The following TCF12 variants were observed in gnomAD, a reference collection of about 807,000 sequenced individuals.
TCF12 encodes the protein DNA-binding protein HTF4.
In TCF12, 45 loss-of-function variants were observed where a neutral mutation model predicts 86.0. The ratio of observed to expected loss-of-function variants is 0.52; its 90% CI spans 0.41 to 0.67. The LOEUF (loss-of-function observed/expected upper bound fraction) is 0.67. Among genes scored for constraint, TCF12 ranks in the 30% least tolerant of loss-of-function variants. The pLI is 0.00. For missense variants in TCF12, 881 were observed against 859.9 expected, an observed-to-expected ratio of 1.02 and a Z score of -0.31; for synonymous variants, 330 against 299.6, an observed-to-expected ratio of 1.10 and a Z score of -1.05.
At chr15:57,188,352 G>T (rs1183300322) in intron 6 of TCF12, among the ~76,000 whole-genome samples, 5 of 152,040 alleles carry the variant, frequency 3.3e-5, no homozygotes, top group Admixed American at 2.6e-4. Flanking sequence ...AACACATCTG[G>T]TATTCAGTCC....
Position 56,921,058 on chromosome 15 carries a change from T to C in TCF12, c.108T>C (p.Thr36=). The part of the protein sequence containing the change: ...MFSPPVNSGK[T]RPTTLGSSQF... ...CCCCACCTGTTAATAGTGGGAAAAC[T>C]AGACCAACTACACTGGGAAGCAGTC... Residue 36 remains threonine, a synonymous_variant, in exon 3 of 21, where the codon ACT becomes ACC. Transcript: ENST00000333725. 1 of 1,609,042 alleles carries C rather than the reference T, an allele frequency of 6.2e-7. No homozygotes were observed. The highest frequency in any genetic ancestry group is 8.5e-7 in the Non-Finnish European group (1 of 1,177,256).
Position 57,190,438 on chromosome 15 carries a change from T to A in TCF12, c.391-1720T>A, listed in dbSNP as rs533035844. Reference sequence around the variant, plus strand: ...CTTGGTGGCTGAAACAACTACTTTTTAAGAGTATGGTGATGGCAGTAAGGG... The same window carrying A: ...CTTGGTGGCTGAAACAACTACTTTTAAAGAGTATGGTGATGGCAGTAAGGG... On this transcript the variant is annotated intron_variant, in intron 6 of 20. Transcript: ENST00000333725. Among the ~76,000 whole-genome samples, 14 of 152,268 alleles carry A rather than the reference T, an allele frequency of 9.2e-5. No homozygotes were observed. In the East Asian group the frequency reaches 2.7e-3, roughly 29 times the overall value.
At chr15:57,239,774 A>G (rs1014255544) in intron 12 of TCF12, among the ~76,000 whole-genome samples, 3 of 152,140 alleles carry the variant, frequency 2.0e-5, no homozygotes, top group South Asian at 4.1e-4. Flanking sequence ...GGTAACCATA[A>G]GCATGGTGCT....
chr15:56,932,608 G>A (rs1355427799), intron 3 of TCF12, among the ~76,000 whole-genome samples: 2 of 151,728 alleles, frequency 1.3e-5, no homozygotes, highest in South Asian at 2.1e-4. Flanking sequence ...TGGCTCTGTC[G>A]CCCAGGCTGG....
At chr15:57,159,422 C>G (rs2151500512) in intron 5 of TCF12, among the ~76,000 whole-genome samples, 1 of 152,238 alleles carries the variant, frequency 6.6e-6, no homozygotes, top group Middle Eastern at 3.4e-3. Context: ...GGAGCAGGTT[C>G]TCCACGAGCA....
At chr15:57,235,778 G>T (rs1597511566) in intron 12 of TCF12, among the ~76,000 whole-genome samples, 1 of 151,960 alleles carries the variant, frequency 6.6e-6, no homozygotes, top group African/African-American at 2.4e-5. Context: ...TGCATTTTGG[G>T]GGCTTTTTTT....
At chr15:57,247,570 G>A (rs1459547784) in intron 13 of TCF12, 4 of 885,364 alleles carry the variant, frequency 4.5e-6, no homozygotes, top group Non-Finnish European at 7.5e-6. Context: ...CACTCTGCCT[G>A]TCTTCCATAA....
rs947409359 is a variant in TCF12 at position 57,062,530 on chromosome 15, A to G, written c.149-1220A>G. Among the ~76,000 whole-genome samples, 3 of 152,260 alleles carry G rather than the reference A, an allele frequency of 2.0e-5. No homozygotes were observed. The East Asian group carries it at 5.8e-4, about 29-fold the overall frequency. The stretch of plus-strand genomic sequence containing the variant: ...AAAAATAATAGAGTCCTAATAACTA[A>G]GTTAGTAATTAGTACATTCTACTTT... On this transcript the variant is annotated intron_variant, in intron 3 of 20. Transcript: ENST00000333725.
chr15:57,112,906 A>G (rs1238523844), intron 5 of TCF12, among the ~76,000 whole-genome samples: 2 of 152,222 alleles, frequency 1.3e-5, no homozygotes, highest in African/African-American at 4.8e-5. Context: ...TGAGTAGGAA[A>G]AAAAATAAAA....
intron 5 of TCF12, among the ~76,000 whole-genome samples, chr15:57,159,712 C>G (rs199521202): frequency 3.6e-4 from 2 of 5,494 alleles, no homozygotes; most frequent in Non-Finnish European, 7.6e-3. Flanking sequence ...AAAAACCAGT[C>G]TAATACTTAA....
intron 3 of TCF12, among the ~76,000 whole-genome samples, chr15:56,970,899 A>C (rs1187174017): frequency 2.6e-5 from 4 of 151,698 alleles, no homozygotes; most frequent in African/African-American, 9.7e-5. Flanking sequence ...AAAATAAAAA[A>C]AAAAATTAGC....
At chr15:57,247,434 C>A in intron 13 of TCF12, 1 of 700,470 alleles carries the variant, frequency 1.4e-6, no homozygotes, top group Non-Finnish European at 2.6e-6. Flanking sequence ...GACTACATCT[C>A]TTGTTTAGAA....
chr15:57,279,649 A>C (rs1302663424), intron 19 of TCF12, among the ~76,000 whole-genome samples: 1 of 152,132 alleles, frequency 6.6e-6, no homozygotes, highest in East Asian at 1.9e-4. Context: ...TGCCTAATTT[A>C]CTGAGTTTTT....
intron 3 of TCF12, among the ~76,000 whole-genome samples, chr15:57,024,563 C>A (rs1449315744): frequency 6.6e-6 from 1 of 152,042 alleles, no homozygotes; most frequent in Non-Finnish European, 1.5e-5. Flanking sequence ...AAATAAGATA[C>A]AAGAGAGTAA....
intron 3 of TCF12, among the ~76,000 whole-genome samples, chr15:56,989,135 A>G (rs1378896071): frequency 6.6e-6 from 1 of 152,132 alleles, no homozygotes; most frequent in African/African-American, 2.4e-5. Context: ...CATATTATGC[A>G]TATTTATACC....
intron 3 of TCF12, among the ~76,000 whole-genome samples, chr15:56,926,695 A>G (rs2060031105): frequency 6.6e-6 from 1 of 152,196 alleles, no homozygotes; most frequent in Non-Finnish European, 1.5e-5. Context: ...TTTACATATT[A>G]TTATCTGGAG....
rs1182625973 is a variant in TCF12 at position 57,287,651 on chromosome 15, C to T, written c.*1506C>T. The T allele has an allele frequency of 6.6e-6, 1 of 152,588 alleles. No individual in the cohort carries two copies. Among genetic ancestry groups the T allele is most frequent in the Non-Finnish European group, 1.5e-5 (1 of 68,036 alleles). The allele number at this position is 152,588 out of a possible 1,614,324, so 9.5% of individuals were successfully genotyped here. ...AATAATTCCTTATAGCCAATATCAA[C>T]AGTGGCAATCAGCACACAGAGGAAA... On this transcript the variant is annotated 3_prime_UTR_variant, in exon 21 of 21. Coordinates refer to ENST00000333725, the MANE Select transcript of TCF12 (RefSeq NM_207037.2).
At chr15:57,006,505 A>G (rs2064383933) in intron 3 of TCF12, among the ~76,000 whole-genome samples, 1 of 151,956 alleles carries the variant, frequency 6.6e-6, no homozygotes, top group Admixed American at 6.6e-5. Flanking sequence ...GGGTTTCACC[A>G]TGTTGGCCAG....
intron 8 of TCF12, among the ~76,000 whole-genome samples, chr15:57,228,155 T>A (rs1162537861): frequency 2.0e-5 from 3 of 152,068 alleles, no homozygotes; most frequent in African/African-American, 7.2e-5. Context: ...CTGGAGTTAA[T>A]AAAGCCTTTG....
Sources: allele counts gnomAD v4.1 joint callset (sites outside exome capture counted in the v4.1 genomes callset), GRCh38; gene constraint gnomAD v4.1.1; transcripts MANE v1.5; gene names NCBI Gene and HGNC (gene_info 2026-07-23, HGNC 2026-07-21).